Variants in LPP observed in about 807,000 individuals in gnomAD.
LPP encodes the protein lipoma-preferred partner.
A neutral mutation model predicts 60.4 loss-of-function variants in LPP; 38 were observed. That is an observed-to-expected ratio of 0.63 (90% CI 0.49 to 0.83). The LOEUF is 0.83. Among genes scored for constraint, LPP ranks in the 40% least tolerant of loss-of-function variants. The pLI, the probability that LPP is intolerant of heterozygous loss-of-function variation, is 0.00. For synonymous variants in LPP, 328 were observed against 290.8 expected (o/e 1.13, Z -1.30); for missense variants, 902 against 783.6 (o/e 1.15, Z -1.80).
intron 2 of LPP, among the ~76,000 whole-genome samples, chr3:188,323,803 T>C (rs1757600693): frequency 1.3e-5 from 2 of 152,208 alleles, no homozygotes; most frequent in Non-Finnish European, 2.9e-5. Flanking sequence ...CATCTTATTC[T>C]CCTATGGATT....
chr3:188,172,821 T>C (rs1560080740), intron 1 of LPP, among the ~76,000 whole-genome samples: 2 of 152,236 alleles, frequency 1.3e-5, no homozygotes, highest in Non-Finnish European at 2.9e-5. Context: ...TAGTCCAGGA[T>C]ACCCAGTTTA....
intron 4 of LPP, among the ~76,000 whole-genome samples, chr3:188,425,387 G>A (rs201428124): frequency 6.6e-6 from 1 of 152,276 alleles, no homozygotes. Flanking sequence ...TGTTCATCAG[G>A]GATATTGGCC....
intron 3 of LPP, among the ~76,000 whole-genome samples, chr3:188,364,096 G>T (rs1234119897): frequency 1.3e-5 from 2 of 152,114 alleles, no homozygotes; most frequent in Non-Finnish European, 2.9e-5. Flanking sequence ...CCAACTTAAT[G>T]AAGGTAATGA....
At chr3:188,833,821 CTG>C (rs1216609928) in intron 9 of LPP, among the ~76,000 whole-genome samples, 1 of 152,018 alleles carries the variant, frequency 6.6e-6, no homozygotes, top group East Asian at 1.9e-4. Flanking sequence ...CCAGCAAGGA[CTG>C]TTCATTCTTT....
At chr3:188,231,955 A>C (rs888698592) in intron 2 of LPP, among the ~76,000 whole-genome samples, 28 of 152,156 alleles carry the variant, frequency 1.8e-4, no homozygotes, top group African/African-American at 6.3e-4. Context: ...AGTTATGAAT[A>C]ACATTTGTTT....
chr3:188,694,853 T>C (rs1192455373), intron 7 of LPP, among the ~76,000 whole-genome samples: 7 of 152,242 alleles, frequency 4.6e-5, no homozygotes, highest in Non-Finnish European at 2.9e-5. Flanking sequence ...ATGTTTGTCC[T>C]TAAGAAAGGT....
intron 2 of LPP, among the ~76,000 whole-genome samples, chr3:188,227,344 C>G (rs1310993688): frequency 2.6e-5 from 3 of 117,084 alleles, no homozygotes; most frequent in Admixed American, 9.1e-5. Context: ...CCCCTCCCCC[C>G]ACCCCACAAC....
intron 7 of LPP, among the ~76,000 whole-genome samples, chr3:188,690,861 T>C (rs887350175): frequency 6.6e-6 from 1 of 152,192 alleles, no homozygotes; most frequent in African/African-American, 2.4e-5. Context: ...GCTAACAATA[T>C]TATGTGTAGT....
At chr3:188,266,146 T>C (rs1024450598) in intron 2 of LPP, among the ~76,000 whole-genome samples, 1 of 151,914 alleles carries the variant, frequency 6.6e-6, no homozygotes, top group Admixed American at 6.6e-5. Context: ...TCCCTTTCTC[T>C]TCCTCCTCCT....
At chr3:188,378,481 T>A (rs924893668) in intron 3 of LPP, among the ~76,000 whole-genome samples, 2 of 152,076 alleles carry the variant, frequency 1.3e-5, no homozygotes, top group African/African-American at 4.8e-5. Flanking sequence ...TAGCAATGAG[T>A]GAGACTCCAT....
intron 7 of LPP, among the ~76,000 whole-genome samples, chr3:188,613,272 A>C (rs1844121681): frequency 7.3e-6 from 1 of 136,918 alleles, no homozygotes; most frequent in Non-Finnish European, 1.6e-5. Context: ...CTATATCTAT[A>C]TCTATATCTA....
chr3:188,742,817 T>A (rs1346715789), intron 8 of LPP, among the ~76,000 whole-genome samples: 1 of 152,176 alleles, frequency 6.6e-6, no homozygotes, highest in Non-Finnish European at 1.5e-5. Flanking sequence ...TGCATTTAGA[T>A]TATACCTCAA....
At chr3:188,435,846 G>A (rs150457460) in intron 4 of LPP, among the ~76,000 whole-genome samples, 1 of 152,226 alleles carries the variant, frequency 6.6e-6, no homozygotes, top group Non-Finnish European at 1.5e-5. Flanking sequence ...TGAGGCACTT[G>A]CACATCTCAC....
intron 7 of LPP, among the ~76,000 whole-genome samples, chr3:188,641,381 C>T (rs917670023): frequency 6.6e-6 from 1 of 152,072 alleles, no homozygotes; most frequent in Non-Finnish European, 1.5e-5. Context: ...AATTTTTATA[C>T]GATTTGGGAG....
intron 3 of LPP, among the ~76,000 whole-genome samples, chr3:188,399,581 G>C (rs1433453430): frequency 6.6e-6 from 1 of 152,168 alleles, no homozygotes; most frequent in African/African-American, 2.4e-5. Context: ...CCAAGAGCTA[G>C]GCCTTGAGTT....
chr3:188,787,897 A>C (rs1383130367), intron 9 of LPP, among the ~76,000 whole-genome samples: 2 of 152,212 alleles, frequency 1.3e-5, no homozygotes, highest in East Asian at 3.9e-4. Context: ...AGCTCCAGAT[A>C]TGTATCTATC....
At chr3:188,702,995 C>G (rs1290041434) in intron 7 of LPP, among the ~76,000 whole-genome samples, 2 of 152,158 alleles carry the variant, frequency 1.3e-5, no homozygotes, top group Non-Finnish European at 2.9e-5. Flanking sequence ...GGTACCTCTA[C>G]AAGGTTGCTC....
Position 188,881,334 on chromosome 3 carries a change from A to G in LPP, c.*6855A>G, listed in dbSNP as rs1031036701. On this transcript the variant is annotated 3_prime_UTR_variant, in exon 12 of 12. Coordinates refer to ENST00000617246, the MANE Select transcript of LPP (RefSeq NM_001375462.1). ...AAATCTTTGCCTCTTCATGTCTGAT[A>G]TCACCAACTCATTCAGCTTTTCTTC... is the stretch of plus-strand genomic sequence containing the variant. 1.0e-5 allele frequency: 2 copies of G among 194,578 alleles called. No individual in the cohort carries two copies. Among genetic ancestry groups the G allele is most frequent in the Non-Finnish European group, 2.1e-5 (2 of 93,158 alleles). 12.1% of individuals were successfully genotyped at this position (194,578 alleles called of 1,614,324 possible). A position where few individuals can be genotyped will look rare whatever the true frequency, so the allele number is the denominator to read the frequency against.
In LPP at chr3:188,379,025, A is replaced by C. The variant is rs146427781; in HGVS notation, c.-9-27087A>C. Among the ~76,000 whole-genome samples, 84 of 151,718 alleles carry C rather than the reference A, an allele frequency of 5.5e-4. 2 individuals carry two copies. The East Asian group carries it at 0.013, about 23-fold the overall frequency. ...AAGTTGTGCCTTGCTTGAGGGCAGG[A>C]GCGCAAGTGGGGCTGAAGTCCTGCC... On this transcript the variant is annotated intron_variant, in intron 3 of 11. Coordinates refer to ENST00000617246, the MANE Select transcript of LPP (RefSeq NM_001375462.1).
Sources: allele counts gnomAD v4.1 joint callset (sites outside exome capture counted in the v4.1 genomes callset), GRCh38; gene constraint gnomAD v4.1.1; transcripts MANE v1.5; gene names NCBI Gene and HGNC (gene_info 2026-07-23, HGNC 2026-07-21).